Variants in FTO observed in about 807,000 individuals in gnomAD.
FTO encodes alpha-ketoglutarate-dependent dioxygenase FTO.
A neutral mutation model predicts 63.9 loss-of-function variants in FTO; 47 were observed. The ratio of observed to expected loss-of-function variants is 0.74; its 90% CI spans 0.58 to 0.94. The LOEUF (loss-of-function observed/expected upper bound fraction) is 0.94, where lower values mean the gene tolerates loss of function less well. Among genes scored for constraint, FTO ranks in the 40% least tolerant of loss-of-function variants. The pLI, the probability that FTO is intolerant of heterozygous loss-of-function variation, is 0.00. For missense variants in FTO, 562 were observed against 618.1 expected (o/e 0.91, Z 0.96); for synonymous variants, 207 against 224.4 (o/e 0.92, Z 0.69).
chr16:53,913,860 T>G (rs188618072), intron 7 of FTO, among the ~76,000 whole-genome samples: 1 of 151,862 alleles, frequency 6.6e-6, no homozygotes, highest in East Asian at 1.9e-4. Flanking sequence ...ATGCCTGTAA[T>G]CCCAGCTACC....
rs1336169709 is a variant in FTO at position 54,118,231 on chromosome 16, A to C, written c.*6316A>C. On this transcript the variant is annotated 3_prime_UTR_variant, in exon 9 of 9. Coordinates refer to ENST00000471389, the MANE Select transcript of FTO (RefSeq NM_001080432.3). ...AGCAAGGTGCCCTACAGGTGGGGCC[A>C]AAAGGGTCAAGACCGTTCTACAGGA... 6.6e-6 allele frequency: 1 copy of C among 152,258 alleles called. No individual in the cohort carries two copies. The highest frequency in any genetic ancestry group is 1.9e-4 in the East Asian group (1 of 5,200). The allele number at this position is 152,258 out of a possible 1,614,324, so 9.4% of individuals were successfully genotyped here.
chr16:53,757,393 GA>G (rs2076949218), intron 1 of FTO, among the ~76,000 whole-genome samples: 1 of 152,006 alleles, frequency 6.6e-6, no homozygotes, highest in Non-Finnish European at 1.5e-5. Flanking sequence ...ACTGTCTTTA[GA>G]AACTGGTAGG....
At chr16:53,960,556 C>T (rs2083050802) in intron 8 of FTO, among the ~76,000 whole-genome samples, 1 of 152,168 alleles carries the variant, frequency 6.6e-6, no homozygotes, top group Non-Finnish European at 1.5e-5. Context: ...AAAGAGGCTC[C>T]CATTGTCTTA....
At chr16:54,094,407 T>C (rs1481712947) in intron 8 of FTO, among the ~76,000 whole-genome samples, 2 of 152,196 alleles carry the variant, frequency 1.3e-5, no homozygotes, top group Non-Finnish European at 2.9e-5. Context: ...CTGCTCTCTA[T>C]TGAACTACGA....
intron 1 of FTO, among the ~76,000 whole-genome samples, chr16:53,725,954 C>T (rs890566164): frequency 6.6e-6 from 1 of 152,194 alleles, no homozygotes; most frequent in African/African-American, 2.4e-5. Flanking sequence ...CACTTAATGA[C>T]AATCATGTGG....
intron 1 of FTO, among the ~76,000 whole-genome samples, chr16:53,761,099 CT>C (rs1471316803): frequency 6.9e-6 from 1 of 144,172 alleles, no homozygotes; most frequent in African/African-American, 2.6e-5. Flanking sequence ...CCTTTTCTTT[CT>C]TTTCTTTTTT....
chr16:53,849,106 G>C (rs1450913409), intron 4 of FTO, among the ~76,000 whole-genome samples: 1 of 152,134 alleles, frequency 6.6e-6, no homozygotes, highest in African/African-American at 2.4e-5. Context: ...CTTGTCAACA[G>C]TTTAGGGTAG....
chr16:53,905,442 C>T (rs2081511863), intron 7 of FTO, among the ~76,000 whole-genome samples: 1 of 152,166 alleles, frequency 6.6e-6, no homozygotes, highest in Non-Finnish European at 1.5e-5. Context: ...TGTCCATTGC[C>T]TGGCATCTTT....
intron 4 of FTO, among the ~76,000 whole-genome samples, chr16:53,861,190 G>A (rs1459577056): frequency 6.6e-6 from 1 of 152,010 alleles, no homozygotes; most frequent in Non-Finnish European, 1.5e-5. Context: ...TGAATGCCTT[G>A]GTGAGGTATT....
At chr16:54,098,150 C>T (rs2086556432) in intron 8 of FTO, among the ~76,000 whole-genome samples, 1 of 152,164 alleles carries the variant, frequency 6.6e-6, no homozygotes, top group Non-Finnish European at 1.5e-5. Context: ...TTTGACTCAG[C>T]TTTTAAATCA....
At chr16:53,887,410 G>C (rs925124953) in intron 6 of FTO, among the ~76,000 whole-genome samples, 1 of 152,138 alleles carries the variant, frequency 6.6e-6, no homozygotes, top group African/African-American at 2.4e-5. Context: ...TCCACCCCTG[G>C]CATTGGAGCT....
chr16:53,769,031 T>C (rs986431273), intron 1 of FTO, among the ~76,000 whole-genome samples: 3 of 152,330 alleles, frequency 2.0e-5, no homozygotes, highest in Non-Finnish European at 4.4e-5. Context: ...GAGTATATAA[T>C]TACATTGACT....
intron 1 of FTO, among the ~76,000 whole-genome samples, chr16:53,732,041 A>ATTTTT (rs375814669): frequency 2.0e-5 from 2 of 98,620 alleles, no homozygotes; most frequent in Non-Finnish European, 1.9e-5. Flanking sequence ...TTGTGGCCTT[A>ATTTTT]TTTTTTTTTT....
intron 8 of FTO, among the ~76,000 whole-genome samples, chr16:54,003,651 C>A (rs1034212085): frequency 5.9e-5 from 9 of 152,202 alleles, no homozygotes; most frequent in South Asian, 4.1e-4. Context: ...CCACTGTGCC[C>A]AACCTCCCCA....
intron 1 of FTO, among the ~76,000 whole-genome samples, chr16:53,761,405 T>C (rs2077066727): frequency 1.3e-5 from 2 of 152,142 alleles, no homozygotes. Flanking sequence ...CCCAGTATAT[T>C]GTTTTAATTT....
At chr16:53,867,523 GTGTGTT>G (rs2080356909) in intron 4 of FTO, among the ~76,000 whole-genome samples, 1 of 151,340 alleles carries the variant, frequency 6.6e-6, no homozygotes, top group Non-Finnish European at 1.5e-5. Context: ...GTGTGTGTGT[GTGTGTT>G]TGTGTGTACC....
chr16:53,976,210 T>C (rs1053004891), intron 8 of FTO, among the ~76,000 whole-genome samples: 16 of 152,118 alleles, frequency 1.1e-4, no homozygotes, highest in African/African-American at 3.6e-4. Context: ...AAAAACTATG[T>C]TTTTAAAGAA....
At chr16:53,862,538 C>CTT (rs371654853) in intron 4 of FTO, among the ~76,000 whole-genome samples, 17,282 of 130,270 alleles carry the variant, frequency 0.13, 2,676 homozygotes, top group African/African-American at 0.37. Context: ...CTGTATCTTA[C>CTT]TTTTTTTTTT....
chr16:53,748,219 T>C (rs2076693230), intron 1 of FTO, among the ~76,000 whole-genome samples: 1 of 152,194 alleles, frequency 6.6e-6, no homozygotes. Context: ...GGAATGTTGA[T>C]AGGGATTGAA....
Sources: allele counts gnomAD v4.1 joint callset (sites outside exome capture counted in the v4.1 genomes callset), GRCh38; gene constraint gnomAD v4.1.1; transcripts MANE v1.5; gene names NCBI Gene and HGNC (gene_info 2026-07-23, HGNC 2026-07-21).